The following PDILT variants were observed in gnomAD, a reference collection of about 807,000 sequenced individuals.
PDILT encodes the protein protein disulfide isomerase like, testis expressed, also known as protein disulfide-isomerase-like protein of the testis.
A neutral mutation model predicts 53.7 loss-of-function variants in PDILT; 43 were observed. That is an observed-to-expected ratio of 0.80 (90% CI 0.63 to 1.03). The LOEUF (loss-of-function observed/expected upper bound fraction) is 1.03, where lower values mean the gene tolerates loss of function less well. PDILT is among the 50% of genes least tolerant of loss of function. The pLI, the probability that PDILT is intolerant of heterozygous loss-of-function variation, is 0.00. For missense variants in PDILT, 727 were observed against 712.3 expected (o/e 1.02, Z -0.24); for synonymous variants, 282 against 274.2 (o/e 1.03, Z -0.28).
rs202211115 is a variant in PDILT at position 20,376,094 on chromosome 16, G to T, written c.517C>A (p.Pro173Thr). The T allele has an allele frequency of 2.7e-5, 43 of 1,613,928 alleles. No individual in the cohort carries two copies. Among genetic ancestry groups the T allele is most frequent in the Non-Finnish European group, 4.2e-6 (5 of 1,180,014 alleles). ...EQVAEFVISR[P>T]LVIVGFFQDL... is the part of the protein sequence containing the mutation. ...TGGAAGAAGCCAACGATGACCAAGGGCCTGGATATCACAAACTCTGCCACC... is the reference window on the plus strand; with the variant it reads ...TGGAAGAAGCCAACGATGACCAAGGTCCTGGATATCACAAACTCTGCCACC... Residue 173 changes from proline to threonine, a missense_variant, in exon 4 of 12, where the codon CCC (proline) becomes ACC (threonine). By Grantham distance (38) the Pro-to-Thr change is conservative. Transcript: ENST00000302451.
At chr16:20,397,679 C>T (rs1480657163) in intron 2 of PDILT, among the ~76,000 whole-genome samples, 1 of 152,174 alleles carries the variant, frequency 6.6e-6, no homozygotes, top group African/African-American at 2.4e-5. Context: ...GGAGAAAGGG[C>T]TGTCTCAGAA....
At chr16:20,397,104 T>C (rs1451421880) in intron 2 of PDILT, among the ~76,000 whole-genome samples, 1 of 152,186 alleles carries the variant, frequency 6.6e-6, no homozygotes, top group African/African-American at 2.4e-5. Flanking sequence ...ACAATAACCC[T>C]AGGAGTTATA....
At chr16:20,363,127 GA>G (rs904982623) in intron 9 of PDILT, among the ~76,000 whole-genome samples, 6 of 136,422 alleles carry the variant, frequency 4.4e-5, no homozygotes, top group African/African-American at 8.1e-5. Context: ...AAAACAAAAA[GA>G]AAAAAATAGC....
At chr16:20,387,257 C>T (rs1238796934) in intron 2 of PDILT, among the ~76,000 whole-genome samples, 1 of 152,078 alleles carries the variant, frequency 6.6e-6, no homozygotes, top group Non-Finnish European at 1.5e-5. Flanking sequence ...TGGAAAAGAA[C>T]AGGAGAGTTG....
chr16:20,384,685 CA>C lies in PDILT; in HGVS notation c.368del (p.Leu123ArgfsTer22), dbSNP rs1268568630. 1 of 1,614,240 alleles carries C rather than the reference CA, an allele frequency of 6.2e-7. No homozygotes were observed. Among genetic ancestry groups the C allele is most frequent in the Admixed American group, 1.7e-5 (1 of 60,030 alleles). On this transcript the variant is annotated frameshift_variant, in exon 3 of 12. Transcript: ENST00000302451. LOFTEE classifies it high-confidence loss of function. ...FGITKAPELK[L>X]FFEGNRSEPI... ...GCTCTGACCTGTTGCCCTCAAAAAA[CA>C]GCTTCAACTCCGGGGCCTTGGTAAT... is the stretch of plus-strand genomic sequence containing the variant.
intron 7 of PDILT, 113 bp downstream of exon 7, chr16:20,372,689 C>T (rs1966323798): frequency 1.6e-6 from 2 of 1,287,048 alleles, no homozygotes; most frequent in African/African-American, 1.5e-5. Flanking sequence ...ATTGCAAGTG[C>T]CAATCTTTCC....
At chr16:20,372,772 T>C in intron 7 of PDILT, 30 bp downstream of exon 7, 1 of 1,605,532 alleles carries the variant, frequency 6.2e-7, no homozygotes, top group Non-Finnish European at 8.5e-7. Flanking sequence ...CATCCAGGAG[T>C]CCCAGAGAGC....
intron 2 of PDILT, chr16:20,391,188 A>G: frequency 6.1e-6 from 1 of 162,648 alleles, no homozygotes; most frequent in Non-Finnish European, 1.4e-5. Context: ...CATGATCACC[A>G]GTACCATCAT....
intron 2 of PDILT, among the ~76,000 whole-genome samples, chr16:20,395,656 A>G (rs937804443): frequency 6.6e-6 from 1 of 152,150 alleles, no homozygotes; most frequent in Non-Finnish European, 1.5e-5. Flanking sequence ...TTTGTTCCCC[A>G]GTGTTAGAGT....
At chr16:20,392,379 G>A (rs1257686718) in intron 2 of PDILT, among the ~76,000 whole-genome samples, 1 of 152,108 alleles carries the variant, frequency 6.6e-6, no homozygotes, top group Non-Finnish European at 1.5e-5. Context: ...AACATTGAGA[G>A]GAAAGCTCCC....
At chr16:20,377,612 G>A (rs1966405414) in intron 3 of PDILT, among the ~76,000 whole-genome samples, 2 of 152,182 alleles carry the variant, frequency 1.3e-5, no homozygotes, top group Non-Finnish European at 2.9e-5. Context: ...CTTAGACTGT[G>A]AAGTCAAGGA....
At chr16:20,361,190 C>CA (rs1966095381) in intron 10 of PDILT, among the ~76,000 whole-genome samples, 1 of 76,780 alleles carries the variant, frequency 1.3e-5, no homozygotes, top group African/African-American at 4.9e-5. Flanking sequence ...TCCCTTTCCT[C>CA]TTTTTTTTTT....
intron 8 of PDILT, among the ~76,000 whole-genome samples, chr16:20,368,754 C>A (rs541615524): frequency 1.7e-4 from 26 of 152,128 alleles, no homozygotes; most frequent in Non-Finnish European, 3.5e-4. Flanking sequence ...CACCACCACA[C>A]CTGGCTAATT....
intron 3 of PDILT, among the ~76,000 whole-genome samples, chr16:20,381,634 CAA>C (rs1034720000): frequency 6.1e-4 from 36 of 58,602 alleles, no homozygotes; most frequent in African/African-American, 1.3e-3. Context: ...GACTCCATCT[CAA>C]AAAAAAAAAA....
chr16:20,397,226 C>T (rs1035423609), intron 2 of PDILT, among the ~76,000 whole-genome samples: 2 of 152,112 alleles, frequency 1.3e-5, no homozygotes, highest in African/African-American at 4.8e-5. Flanking sequence ...GTCTTGACCT[C>T]CTGGGCTCAA....
chr16:20,366,796 C>T (rs957063095), intron 8 of PDILT, among the ~76,000 whole-genome samples: 7 of 152,122 alleles, frequency 4.6e-5, no homozygotes, highest in South Asian at 2.1e-4. Context: ...CTCCATCTCT[C>T]ATCTTGATTG....
intron 8 of PDILT, among the ~76,000 whole-genome samples, chr16:20,367,102 TCTTC>T (rs1186691337): frequency 7.9e-5 from 9 of 113,654 alleles, no homozygotes; most frequent in African/African-American, 2.6e-4. Context: ...TTTCTTTCTT[TCTTC>T]CTTTCTTTCC....
At position 20,362,125 on chromosome 16, in the gene PDILT, C is replaced by A. The variant is rs565719721; in HGVS notation, c.1416+279G>T. ...GCTCAGCCCCAATGCTAGCAGGAAC[C>A]ATATAAAACCAGGCCTGCCCATCAA... On this transcript the variant is annotated intron_variant, in intron 10 of 11. Transcript: ENST00000302451. 1.3e-4 allele frequency among the ~76,000 whole-genome samples: 20 copies of A among 152,320 alleles called. No homozygotes were observed. The South Asian group carries it at 1.4e-3, about 11-fold the overall frequency.
In PDILT at chr16:20,402,307, C is replaced by CTTTTCTT. The variant is rs1966753132; in HGVS notation, c.-8+2182_-8+2188dup. ...GAGTGTTGATCTTTTCTTTTCTTTT[C>CTTTTCTT]TTTTCTTTTGAGACAGGGTCTCGCT... On this transcript the variant is annotated intron_variant, in intron 1 of 11. Coordinates refer to ENST00000302451, the MANE Select transcript of PDILT (RefSeq NM_174924.2). Among the ~76,000 whole-genome samples, 4 of 151,820 alleles carry CTTTTCTT rather than the reference C, an allele frequency of 2.6e-5. No individual in the cohort carries two copies. In the East Asian group the frequency reaches 5.8e-4, roughly 22 times the overall value.
Sources: allele counts gnomAD v4.1 joint callset (sites outside exome capture counted in the v4.1 genomes callset), GRCh38; gene constraint gnomAD v4.1.1; transcripts MANE v1.5; gene names NCBI Gene and HGNC (gene_info 2026-07-23, HGNC 2026-07-21).